SPPL2A: variants seen among roughly 807,000 people sequenced by gnomAD.
SPPL2A encodes the protein signal peptide peptidase-like 2A.
Under a neutral mutation model 63.8 loss-of-function variants are expected in SPPL2A, and 51 were observed. That is an observed-to-expected ratio of 0.80 (90% CI 0.64 to 1.01). The LOEUF is 1.01. Among genes scored for constraint, SPPL2A ranks in the 50% least tolerant of loss-of-function variants. The pLI is 0.00. For missense variants in SPPL2A, 553 were observed against 622.7 expected, an observed-to-expected ratio of 0.89 and a Z score of 1.19; for synonymous variants, 188 against 205.8, an observed-to-expected ratio of 0.91 and a Z score of 0.74.
intron 6 of SPPL2A, among the ~76,000 whole-genome samples, chr15:50,737,987 G>A (rs543641583): frequency 4.6e-5 from 7 of 152,026 alleles, no homozygotes; most frequent in African/African-American, 9.6e-5. Context: ...CAAGAGAATC[G>A]CTCCATCTCA....
chr15:50,723,485 T>TG (rs2062663522), intron 12 of SPPL2A, among the ~76,000 whole-genome samples: 1 of 150,200 alleles, frequency 6.7e-6, no homozygotes, highest in Admixed American at 6.6e-5. Context: ...GGGTTTTTTT[T>TG]GTTTTTTTTT....
Position 50,735,321 on chromosome 15 carries a change from A to G in SPPL2A, c.932+780T>C, listed in dbSNP as rs528848847. ...TGGTGAACAGTATTCCATTGTGTAAATATAACGTAATGTATTCACCCATTC... is the reference window on the plus strand; with the variant it reads ...TGGTGAACAGTATTCCATTGTGTAAGTATAACGTAATGTATTCACCCATTC... On this transcript the variant is annotated intron_variant, in intron 8 of 14. Transcript: ENST00000261854. Among the ~76,000 whole-genome samples the G allele has an allele frequency of 2.6e-5, 4 of 152,214 alleles. No individual in the cohort carries two copies. In the South Asian group the frequency reaches 8.3e-4, roughly 32 times the overall value.
chr15:50,725,981 G>T (rs2062684240), intron 11 of SPPL2A: 3 of 782,626 alleles, frequency 3.8e-6, no homozygotes, highest in Non-Finnish European at 5.4e-6. Flanking sequence ...ATTTTTTTTG[G>T]CAATCTGGAT....
At chr15:50,749,357 A>G (rs1370230618) in intron 2 of SPPL2A, among the ~76,000 whole-genome samples, 1 of 151,888 alleles carries the variant, frequency 6.6e-6, no homozygotes, top group Non-Finnish European at 1.5e-5. Context: ...GCATGATCTC[A>G]GCTCACTGCA....
Position 50,725,320 on chromosome 15 carries a change from G to A in SPPL2A, c.1150C>T (p.Pro384Ser). Residue 384 changes from proline (P) to serine (S), a missense_variant, in exon 12 of 15, where the codon CCA (proline) becomes TCA (serine). Transcript: ENST00000261854. Reference sequence around the variant, plus strand: ...AGTTTTGGTACTCTGATGACTACTGGCAACTGTTCAAAAACAAAACAAAAC... The same window carrying A: ...AGTTTTGGTACTCTGATGACTACTGACAACTGTTCAAAAACAAAACAAAAC... ...AGPFGNNEKL[P>S]VVIRVPKLIY... is the part of the protein sequence containing the mutation. The A allele has an allele frequency of 6.5e-7, 1 of 1,541,642 alleles. No homozygotes were observed. The highest frequency in any genetic ancestry group is 8.9e-7 in the Non-Finnish European group (1 of 1,129,298).
intron 1 of SPPL2A, among the ~76,000 whole-genome samples, chr15:50,760,481 G>A (rs1193229135): frequency 6.6e-6 from 1 of 151,968 alleles, no homozygotes; most frequent in African/African-American, 2.4e-5. Context: ...GGCTGGTTTC[G>A]AACTCCTGAC....
intron 5 of SPPL2A, among the ~76,000 whole-genome samples, chr15:50,744,677 T>C (rs760095609): frequency 2.6e-5 from 4 of 152,356 alleles, no homozygotes; most frequent in Middle Eastern, 6.8e-3. Context: ...TTTTAGTTAA[T>C]CTTCATGCTA....
At chr15:50,737,351 G>C (rs2062779182) in intron 6 of SPPL2A, among the ~76,000 whole-genome samples, 1 of 152,148 alleles carries the variant, frequency 6.6e-6, no homozygotes, top group South Asian at 2.1e-4. Flanking sequence ...TTAATCTGAA[G>C]GAGTATTAAA....
At chr15:50,745,832 C>T (rs2062853246) in intron 5 of SPPL2A, among the ~76,000 whole-genome samples, 1 of 149,392 alleles carries the variant, frequency 6.7e-6, no homozygotes, top group Non-Finnish European at 1.5e-5. Context: ...GGGCAGATCA[C>T]CTGAGGTCAG....
Position 50,748,677 on chromosome 15 carries a change from T to C in SPPL2A, c.360+11A>G, listed in dbSNP as rs778522806. On this transcript the variant is annotated intron_variant, in intron 3 of 14. Coordinates refer to ENST00000261854, the MANE Select transcript of SPPL2A (RefSeq NM_032802.4). ...AACTCAAAATAAGATATGATTGTTT[T>C]TATAACTTACTAGGACACTGTTATT... 12 of 1,518,542 alleles carry C rather than the reference T, an allele frequency of 7.9e-6. No homozygotes were observed. The East Asian group carries it at 2.9e-4, about 37-fold the overall frequency. The allele number at this position is 1,518,542 out of a possible 1,614,324, so 94.1% of individuals were successfully genotyped here. A position where few individuals can be genotyped will look rare whatever the true frequency, so the allele number is the denominator to read the frequency against.
At chr15:50,717,955 G>A (rs2062610090) in intron 14 of SPPL2A, among the ~76,000 whole-genome samples, 1 of 146,502 alleles carries the variant, frequency 6.8e-6, no homozygotes, top group South Asian at 2.2e-4. Context: ...TTCCTCACTA[G>A]ACTGTAACTT....
rs2062803999 is a variant in SPPL2A at position 50,739,789 on chromosome 15, C to A, written c.624G>T (p.Met208Ile). Reference sequence around the variant, plus strand: ...TTAAATATTCTTCCTTCTTTTTCCTCATTTCTCTATCTTCAGTTGTCACTG... The same window carrying A: ...TTAAATATTCTTCCTTCTTTTTCCTAATTTCTCTATCTTCAGTTGTCACTG... ...LKAVTTEDRE[M>I]RKKKEEYLTF... The change falls in exon 6 of 15, where the codon ATG becomes ATT. Residue 208 changes from methionine (M) to isoleucine (I), a missense_variant. Met to Ile is a conservative substitution (Grantham distance 10). Transcript: ENST00000261854. 1 of 1,605,694 alleles carries A rather than the reference C, an allele frequency of 6.2e-7. No homozygotes were observed. Among genetic ancestry groups the A allele is most frequent in the African/African-American group, 1.3e-5 (1 of 74,540 alleles).
chr15:50,740,427 C>CAAA (rs34361362), intron 5 of SPPL2A, among the ~76,000 whole-genome samples: 13 of 60,064 alleles, frequency 2.2e-4, no homozygotes, highest in South Asian at 5.6e-4. Flanking sequence ...AACTCCGTCT[C>CAAA]AAAAAAAAAA....
In SPPL2A at chr15:50,722,309, TAAG is replaced by T. The variant is rs369119502; in HGVS notation, c.1250-111_1250-109del. On this transcript the variant is annotated intron_variant, in intron 12 of 14. Transcript: ENST00000261854. ...ATATTGAATCTTCATTGTTGCATTA[TAAG>T]AACATTCAAGTACCTCAAATTCTTG... The T allele has an allele frequency of 8.5e-4, 540 of 637,216 alleles. 4 individuals carry two copies. The African/African-American group carries it at 8.9e-3, about 11-fold the overall frequency. The allele number at this position is 637,216 out of a possible 1,614,324, so 39.5% of individuals were successfully genotyped here.
At chr15:50,715,209 G>T (rs1216871389) in intron 14 of SPPL2A, among the ~76,000 whole-genome samples, 1 of 151,990 alleles carries the variant, frequency 6.6e-6, no homozygotes, top group Non-Finnish European at 1.5e-5. Context: ...TGTTGCCCAG[G>T]CTGGTCTCGA....
At chr15:50,731,566 T>A (rs1175132673) in intron 9 of SPPL2A, among the ~76,000 whole-genome samples, 1 of 149,802 alleles carries the variant, frequency 6.7e-6, no homozygotes, top group East Asian at 2.0e-4. Context: ...AAAGAAGAAA[T>A]GTGCTTCCCT....
chr15:50,736,616 T>A (rs770115315), intron 7 of SPPL2A, 28 bp downstream of exon 7: 1 of 1,280,474 alleles, frequency 7.8e-7, no homozygotes, highest in Non-Finnish European at 1.1e-6. Context: ...ACACCAACAT[T>A]ATAAGATTTC....
At chr15:50,747,658 GAAT>G in intron 4 of SPPL2A, 30 bp from the exon 5 acceptor site, 2 of 1,555,984 alleles carry the variant, frequency 1.3e-6, no homozygotes, top group Non-Finnish European at 1.8e-6. Flanking sequence ...TTAAACACAG[GAAT>G]AACTTTTCTT....
intron 11 of SPPL2A, 94 bp downstream of exon 11, chr15:50,726,227 C>CTA: frequency 6.8e-7 from 1 of 1,466,420 alleles, no homozygotes; most frequent in Non-Finnish European, 9.5e-7. Context: ...TTAACATGCA[C>CTA]TATGTGGCCA....
Sources: gnomAD v4.1 joint callset for allele counts (sites outside exome capture counted in the v4.1 genomes callset) on GRCh38, gnomAD v4.1.1 for gene constraint, MANE v1.5 for transcripts, NCBI Gene and HGNC (gene_info 2026-07-23, HGNC 2026-07-21) for gene names.